Variants in NACC2 observed in about 807,000 individuals in gnomAD.
NACC2 encodes NACC family member 2.
Under a neutral mutation model 25.1 loss-of-function variants are expected in NACC2, and 8 were observed. That is an observed-to-expected ratio of 0.32 (90% confidence interval 0.19 to 0.57). The LOEUF (loss-of-function observed/expected upper bound fraction) is 0.57. NACC2 is among the 20% of genes least tolerant of loss of function. The probability of loss-of-function intolerance (pLI) is 0.89; values close to 1 mark genes in which losing one functional copy is unlikely to be tolerated. For synonymous variants in NACC2, 435 were observed against 294.7 expected (o/e 1.48, Z -4.88); for missense variants, 644 against 650.2 (o/e 0.99, Z 0.10).
intron 2 of NACC2, among the ~76,000 whole-genome samples, chr9:136,027,810 T>C (rs2131144896): frequency 6.6e-6 from 1 of 151,956 alleles, no homozygotes; most frequent in East Asian, 1.9e-4. Context: ...AGGAATATAA[T>C]AGCAAAGTAA....
In NACC2 at chr9:136,049,709, GTCC is replaced by G; in HGVS notation, c.810_812del (p.Glu270del). ...CCACCATGGTGTCGTAGGCCTCGTCGTCCTCCTCGTCCTCCTCGTTGTGGTACG... is the reference window on the plus strand; with the variant it reads ...CCACCATGGTGTCGTAGGCCTCGTCGTCCTCGTCCTCCTCGTTGTGGTACG... On this transcript the variant is annotated inframe_deletion, in exon 2 of 6. Transcript: ENST00000277554. The G allele has an allele frequency of 3.9e-6, 3 of 778,994 alleles. No homozygotes were observed. The highest frequency in any genetic ancestry group is 7.2e-6 in the Non-Finnish European group (3 of 417,408). The allele number at this position is 778,994 out of a possible 1,614,324, so 48.3% of individuals were successfully genotyped here. A position where few individuals can be genotyped will look rare whatever the true frequency, so the allele number is the denominator to read the frequency against.
chr9:136,061,325 G>A (rs1007406582), intron 1 of NACC2, among the ~76,000 whole-genome samples: 3 of 152,090 alleles, frequency 2.0e-5, no homozygotes, highest in African/African-American at 7.2e-5. Flanking sequence ...TGCCCATGGC[G>A]GCAGCTCCGT....
At chr9:136,051,839 C>T (rs1222177848) in intron 1 of NACC2, among the ~76,000 whole-genome samples, 2 of 144,436 alleles carry the variant, frequency 1.4e-5, no homozygotes, top group Admixed American at 7.0e-5. Flanking sequence ...GCAAACGGAG[C>T]GGGAGCCCTG....
At chr9:136,049,422 T>C (rs1840780359) in intron 2 of NACC2, among the ~76,000 whole-genome samples, 2 of 152,168 alleles carry the variant, frequency 1.3e-5, no homozygotes, top group Non-Finnish European at 2.9e-5. Context: ...AGACCCTTCC[T>C]ACAGGCTGGC....
chr9:136,074,393 C>T lies in NACC2; in HGVS notation c.-60+20796G>A, dbSNP rs1270831906. ...GAGTGAACCCGGGAGGCGGAGCTTG[C>T]AGTGAGCCGAGGTTGTGCCACTGCA... On this transcript the variant is annotated intron_variant, in intron 1 of 5. Transcript: ENST00000277554. 2.1e-5 allele frequency among the ~76,000 whole-genome samples: 3 copies of T among 142,124 alleles called. No homozygotes were observed. The Admixed American group carries it at 2.2e-4, about 10-fold the overall frequency. 93.2% of individuals were successfully genotyped at this position (142,124 alleles called of 152,430 possible).
At chr9:136,070,012 GCC>G (rs776199701) in intron 1 of NACC2, among the ~76,000 whole-genome samples, 7 of 151,996 alleles carry the variant, frequency 4.6e-5, no homozygotes, top group Admixed American at 6.5e-5. Context: ...CTTTTCACGT[GCC>G]TGTGGAACAT....
intron 1 of NACC2, among the ~76,000 whole-genome samples, chr9:136,071,351 T>C (rs551888615): frequency 6.6e-6 from 1 of 152,106 alleles, no homozygotes; most frequent in East Asian, 1.9e-4. Context: ...GAGACCAGCC[T>C]GGCCAACATG....
At chr9:136,093,385 C>T (rs1198798917) in intron 1 of NACC2, among the ~76,000 whole-genome samples, 4 of 152,186 alleles carry the variant, frequency 2.6e-5, no homozygotes, top group Non-Finnish European at 1.5e-5. Flanking sequence ...CCTGCGAACC[C>T]TTCCAGCAGC....
rs545496288 is a variant in NACC2 at position 136,086,731 on chromosome 9, T to C, written c.-60+8458A>G. 7.9e-5 allele frequency among the ~76,000 whole-genome samples: 12 copies of C among 152,224 alleles called. 1 individual carries two copies. In the South Asian group the frequency reaches 1.9e-3, roughly 24 times the overall value. On this transcript the variant is annotated intron_variant, in intron 1 of 5. Transcript: ENST00000277554. This position sits in a 1 kb window ranked among gnomAD's most constrained non-coding sequence, Gnocchi z 5.6. ...TCCCCGACCAGTGGCCCCGTTTCCC[T>C]CCCACGACCCCCGCTCAGCTTGGGC...
chr9:136,074,177 G>A (rs11103311), intron 1 of NACC2, among the ~76,000 whole-genome samples: 31,091 of 149,262 alleles, frequency 0.21, 3,781 homozygotes, highest in East Asian at 0.41. Context: ...ATGGCCAGGC[G>A]CGGTGGCTCA....
chr9:136,090,805 G>A (rs568939006), intron 1 of NACC2, among the ~76,000 whole-genome samples: 27 of 151,096 alleles, frequency 1.8e-4, no homozygotes, highest in African/African-American at 6.3e-4. Context: ...GGCTGCCCTC[G>A]GGGCCCCGGT....
intron 1 of NACC2, among the ~76,000 whole-genome samples, chr9:136,079,518 C>T (rs1415962844): frequency 3.9e-5 from 6 of 152,188 alleles, no homozygotes; most frequent in African/African-American, 1.2e-4. Flanking sequence ...CCTCCTCACC[C>T]GCAGGCATGG....
At chr9:136,034,265 A>T (rs1840519609) in intron 2 of NACC2, among the ~76,000 whole-genome samples, 1 of 152,200 alleles carries the variant, frequency 6.6e-6, no homozygotes, top group East Asian at 1.9e-4. Context: ...TGAGCCCTGG[A>T]TCACAGCACA....
rs1230758873 is a variant in NACC2 at position 136,086,943 on chromosome 9, T to C, written c.-60+8246A>G. 2.6e-5 allele frequency among the ~76,000 whole-genome samples: 4 copies of C among 152,238 alleles called. No homozygotes were observed. The highest frequency in any genetic ancestry group is 9.6e-5 in the African/African-American group (4 of 41,464). On this transcript the variant is annotated intron_variant, in intron 1 of 5. Transcript: ENST00000277554. The surrounding 1 kb of genome is among the most constrained non-coding windows in gnomAD (Gnocchi z 5.6). ...GGGGGTTCGCATCTACCTGACCCTTTGAATGCGGCCTTATTTGGAAACAGG... is the reference window on the plus strand; with the variant it reads ...GGGGGTTCGCATCTACCTGACCCTTCGAATGCGGCCTTATTTGGAAACAGG...
At chr9:136,085,627 T>C (rs1213324634) in intron 1 of NACC2, among the ~76,000 whole-genome samples, 1 of 151,948 alleles carries the variant, frequency 6.6e-6, no homozygotes, top group African/African-American at 2.4e-5. Flanking sequence ...AGGGGGTGGG[T>C]ACAGGCGGGT....
intron 2 of NACC2, among the ~76,000 whole-genome samples, chr9:136,044,429 T>C (rs1588569017): frequency 6.6e-6 from 1 of 151,544 alleles, no homozygotes; most frequent in Non-Finnish European, 1.5e-5. Context: ...GTTGCAGGGG[T>C]ATTGGCCCTT....
At chr9:136,015,325 T>C (rs1435095451) in intron 3 of NACC2, among the ~76,000 whole-genome samples, 1 of 152,098 alleles carries the variant, frequency 6.6e-6, no homozygotes, top group Non-Finnish European at 1.5e-5. Flanking sequence ...AGCACTGCGC[T>C]CGCCATCCAG....
Position 136,049,974 on chromosome 9 carries a change from G to A in NACC2, c.548C>T (p.Ala183Val), listed in dbSNP as rs1312078746. 23 of 634,564 alleles carry A rather than the reference G, an allele frequency of 3.6e-5. No homozygotes were observed. In the Middle Eastern group the frequency reaches 2.2e-3, roughly 60 times the overall value. 39.3% of individuals were successfully genotyped at this position (634,564 alleles called of 1,614,324 possible). A position where few individuals can be genotyped will look rare whatever the true frequency, so the allele number is the denominator to read the frequency against. Residue 183 changes from alanine to valine, a missense_variant, in exon 2 of 6, where the codon GCC becomes GTC. Coordinates refer to ENST00000277554, the MANE Select transcript of NACC2 (RefSeq NM_144653.5). ...GCGCTTGGGGGCCAGGCCTGGGCCGGCCGGCGGCAGCTCCATGGCTTCATG... is the reference window on the plus strand; with the variant it reads ...GCGCTTGGGGGCCAGGCCTGGGCCGACCGGCGGCAGCTCCATGGCTTCATG... ...VKHEAMELPP[A>V]GPGLAPKRPL...
At chr9:136,060,925 C>T (rs1316021216) in intron 1 of NACC2, among the ~76,000 whole-genome samples, 1 of 152,172 alleles carries the variant, frequency 6.6e-6, no homozygotes, top group Non-Finnish European at 1.5e-5. Context: ...AGACTGGGTA[C>T]AGGGGTCCGG....
Sources: gnomAD v4.1 joint callset for allele counts (sites outside exome capture counted in the v4.1 genomes callset) on GRCh38, gnomAD v4.1.1 for gene constraint, Gnocchi (gnomAD v3.1) non-coding constraint, MANE v1.5 for transcripts, NCBI Gene and HGNC (gene_info 2026-07-23, HGNC 2026-07-21) for gene names.